The following TMEFF1 variants were observed in gnomAD, a reference collection of about 807,000 sequenced individuals.
TMEFF1 encodes the protein transmembrane protein with EGF like and two follistatin like domains 1, also known as tomoregulin-1.
TMEFF1 carries 20 observed loss-of-function variants against 47.5 expected under a neutral mutation model. The observed-to-expected ratio is 0.42, with a 90% CI of 0.30 to 0.61. The LOEUF is 0.61. Ranked by LOEUF, TMEFF1 falls within the 20% of genes least tolerant of loss-of-function variation. TMEFF1 has a pLI of 0.19. For missense variants in TMEFF1, 411 were observed against 471.1 expected (o/e 0.87, Z 1.18); for synonymous variants, 162 against 166.3 (o/e 0.97, Z 0.20).
chr9:100,533,393 GA>G (rs1201357837), intron 5 of TMEFF1, among the ~76,000 whole-genome samples: 7 of 152,106 alleles, frequency 4.6e-5, no homozygotes, highest in African/African-American at 1.7e-4. Context: ...ATTTCACCTA[GA>G]GTTTCAAACT....
chr9:100,553,176 A>C (rs1283469569), intron 7 of TMEFF1, among the ~76,000 whole-genome samples: 1 of 152,224 alleles, frequency 6.6e-6, no homozygotes, highest in Non-Finnish European at 1.5e-5. Flanking sequence ...GGGATCATTG[A>C]CAATCTTGGA....
At chr9:100,503,127 T>C (rs1198641016) in intron 2 of TMEFF1, among the ~76,000 whole-genome samples, 1 of 152,232 alleles carries the variant, frequency 6.6e-6, no homozygotes, top group East Asian at 1.9e-4. Context: ...GCAGTATCTT[T>C]CAATTCATTT....
At chr9:100,531,510 C>G (rs562215791) in intron 5 of TMEFF1, among the ~76,000 whole-genome samples, 16 of 152,120 alleles carry the variant, frequency 1.1e-4, no homozygotes, top group South Asian at 1.0e-3. Flanking sequence ...GAATAAAATA[C>G]CTAGGAATCC....
At chr9:100,553,436 A>T (rs889211485) in intron 7 of TMEFF1, among the ~76,000 whole-genome samples, 1 of 152,240 alleles carries the variant, frequency 6.6e-6, no homozygotes, top group African/African-American at 2.4e-5. Context: ...AATGAAAAGC[A>T]GGAACACAGC....
chr9:100,576,575 C>T lies in TMEFF1; in HGVS notation c.1118C>T (p.Ser373Leu), dbSNP rs1839358264. 6.2e-7 allele frequency: 1 copy of T among 1,613,304 alleles called. No homozygotes were observed. Among genetic ancestry groups the T allele is most frequent in the African/African-American group, 1.3e-5 (1 of 74,844 alleles). ...AAGCAAAACCTAGGTCATTTTACTT[C>T]AGATACGTCATCCAGAATGGTTTAA... ...RQKQNLGHFTSDTSSRMV is the reference protein window; with the variant it reads ...RQKQNLGHFTLDTSSRMV Residue 373 changes from serine to leucine, a missense_variant, in exon 10 of 10, where the codon TCA (serine) becomes TTA (leucine). Transcript: ENST00000374879.
intron 1 of TMEFF1, among the ~76,000 whole-genome samples, chr9:100,487,710 G>A (rs964565866): frequency 3.3e-5 from 5 of 150,974 alleles, no homozygotes; most frequent in Non-Finnish European, 5.9e-5. Context: ...ATAGTTTGCA[G>A]TGTTCTTTTA....
chr9:100,531,838 C>G (rs1477212643), intron 5 of TMEFF1, among the ~76,000 whole-genome samples: 1 of 152,140 alleles, frequency 6.6e-6, no homozygotes, highest in Non-Finnish European at 1.5e-5. Context: ...TGACTTCAAA[C>G]TATACTACAA....
chr9:100,496,055 T>C (rs1308545172), intron 1 of TMEFF1, among the ~76,000 whole-genome samples: 4 of 152,218 alleles, frequency 2.6e-5, no homozygotes, highest in Non-Finnish European at 5.9e-5. Context: ...TCTCCCCATG[T>C]ATTATGTCTT....
At position 100,473,489 on chromosome 9, in the gene TMEFF1, CT is replaced by C; in HGVS notation, c.-55del. On this transcript the variant is annotated 5_prime_UTR_variant, in exon 1 of 10. Transcript: ENST00000374879. The surrounding 1 kb of genome is among the most constrained non-coding windows in gnomAD (Gnocchi z 5.4). ...CAGCGGCGGGGCTCTGGGCGCGCGG[CT>C]GGATGCCCCCGGCCTGCGGCTCCCT... 7.9e-7 allele frequency: 1 copy of C among 1,261,546 alleles called. No homozygotes were observed. The highest frequency in any genetic ancestry group is 1.0e-6 in the Non-Finnish European group (1 of 1,000,002). The allele number at this position is 1,261,546 out of a possible 1,614,324, so 78.1% of individuals were successfully genotyped here.
At chr9:100,513,462 G>A (rs1317524732) in intron 4 of TMEFF1, 129 bp downstream of exon 4, 1 of 1,187,068 alleles carries the variant, frequency 8.4e-7, no homozygotes, top group East Asian at 2.6e-5. Flanking sequence ...CACTTGAAGT[G>A]TACAAATTCA....
chr9:100,564,528 T>A (rs1376393406), intron 8 of TMEFF1, among the ~76,000 whole-genome samples: 6 of 152,116 alleles, frequency 3.9e-5, no homozygotes. Flanking sequence ...AATAAGTAAT[T>A]ATAATATGGA....
chr9:100,558,870 A>G (rs1303035736), intron 7 of TMEFF1, among the ~76,000 whole-genome samples: 2 of 152,096 alleles, frequency 1.3e-5, no homozygotes, highest in Non-Finnish European at 2.9e-5. Flanking sequence ...TACACTAAAT[A>G]TATTATCTCA....
At chr9:100,562,309 T>G (rs1839032604) in intron 8 of TMEFF1, among the ~76,000 whole-genome samples, 1 of 152,138 alleles carries the variant, frequency 6.6e-6, no homozygotes, top group African/African-American at 2.4e-5. Flanking sequence ...ACTTTTCTTT[T>G]GTTTGGTCCA....
intron 5 of TMEFF1, among the ~76,000 whole-genome samples, chr9:100,542,520 C>G (rs1388493854): frequency 6.6e-6 from 1 of 152,132 alleles, no homozygotes; most frequent in Non-Finnish European, 1.5e-5. Context: ...CCCTTATTCT[C>G]AAAAGATTTG....
At chr9:100,540,806 A>C (rs1838614684) in intron 5 of TMEFF1, among the ~76,000 whole-genome samples, 1 of 151,990 alleles carries the variant, frequency 6.6e-6, no homozygotes, top group African/African-American at 2.4e-5. Context: ...TTTAATTTTA[A>C]GTTTTCTGAT....
At chr9:100,511,303 A>G (rs1837960766) in intron 3 of TMEFF1, among the ~76,000 whole-genome samples, 1 of 152,224 alleles carries the variant, frequency 6.6e-6, no homozygotes, top group Non-Finnish European at 1.5e-5. Flanking sequence ...AATGTTAAAC[A>G]TTAGGCAGCA....
chr9:100,520,771 A>G (rs1343417689), intron 5 of TMEFF1, among the ~76,000 whole-genome samples: 4 of 152,194 alleles, frequency 2.6e-5, no homozygotes, highest in Admixed American at 2.6e-4. Context: ...CCTGATTTTT[A>G]TAGGTGAAGG....
intron 8 of TMEFF1, 131 bp downstream of exon 8, chr9:100,561,651 C>A (rs1587856543): frequency 5.5e-6 from 7 of 1,273,634 alleles, no homozygotes; most frequent in Admixed American, 3.0e-5. Context: ...AAGTAAAAAA[C>A]AAATCAGCAG....
At chr9:100,493,974 A>G (rs1320339700) in intron 1 of TMEFF1, among the ~76,000 whole-genome samples, 5 of 152,086 alleles carry the variant, frequency 3.3e-5, no homozygotes, top group African/African-American at 1.2e-4. Flanking sequence ...CTTGAGCCCA[A>G]GAATTCAAGA....
Sources: gnomAD v4.1 joint callset for allele counts (sites outside exome capture counted in the v4.1 genomes callset) on GRCh38, gnomAD v4.1.1 for gene constraint, Gnocchi (gnomAD v3.1) non-coding constraint, MANE v1.5 for transcripts, NCBI Gene and HGNC (gene_info 2026-07-23, HGNC 2026-07-21) for gene names.